Variants in BSN observed in about 807,000 individuals in gnomAD.
BSN encodes the protein protein bassoon.
BSN carries 57 observed loss-of-function variants against 264.8 expected under a neutral mutation model. The ratio of observed to expected loss-of-function variants is 0.22; its 90% CI spans 0.17 to 0.27. The LOEUF is 0.27. BSN is among the 10% of genes least tolerant of loss of function. The pLI is 1.00. For synonymous variants in BSN, 2,059 were observed against 2,137.3 expected (o/e 0.96, Z 1.01); for missense variants, 4,615 against 5,232.5 (o/e 0.88, Z 3.64).
intron 1 of BSN, among the ~76,000 whole-genome samples, chr3:49,617,231 A>C (rs915135381): frequency 6.6e-6 from 1 of 151,234 alleles, no homozygotes; most frequent in Non-Finnish European, 1.5e-5. Flanking sequence ...ACAAACCTGC[A>C]CGTTCTGCAC....
chr3:49,655,652 C>T lies in BSN; in HGVS notation c.6096C>T (p.Tyr2032=). Residue 2032 remains tyrosine, a synonymous_variant, in exon 5 of 12, where the codon TAC becomes TAT. Transcript: ENST00000296452. The part of the protein sequence containing the change: ...SYSLGFADGR[Y]LGQGLQYGSV... Reference sequence around the variant, plus strand: ...GCCTGGGCTTTGCGGATGGACGCTACCTAGGGCAGGGCTTGCAGTATGGCT... The same window carrying T: ...GCCTGGGCTTTGCGGATGGACGCTATCTAGGGCAGGGCTTGCAGTATGGCT... 6.2e-7 allele frequency: 1 copy of T among 1,613,684 alleles called. No homozygotes were observed. The highest frequency in any genetic ancestry group is 8.5e-7 in the Non-Finnish European group (1 of 1,179,994).
intron 1 of BSN, among the ~76,000 whole-genome samples, chr3:49,598,487 G>A (rs2052043124): frequency 6.6e-6 from 1 of 152,194 alleles, no homozygotes; most frequent in South Asian, 2.1e-4. Context: ...TTGTGCTTAA[G>A]CCTCTTTGAC....
chr3:49,595,164 C>T (rs575446259), intron 1 of BSN, among the ~76,000 whole-genome samples: 11 of 151,154 alleles, frequency 7.3e-5, no homozygotes, highest in African/African-American at 2.4e-4. Flanking sequence ...GCTGGGATTA[C>T]AGGCGTGAGC....
rs968912535 is a variant in BSN, at chr3:49,668,701, G to A, written c.*1216G>A. Reference sequence around the variant, plus strand: ...AGGGGCCAGGACTTCTGCCAGCCAAGGGAAAGGCCCAGAGCCCTGTGCGGG... The same window carrying A: ...AGGGGCCAGGACTTCTGCCAGCCAAAGGAAAGGCCCAGAGCCCTGTGCGGG... On this transcript the variant is annotated 3_prime_UTR_variant, in exon 12 of 12. Transcript: ENST00000296452. 9.8e-5 allele frequency: 15 copies of A among 152,690 alleles called. No individual in the cohort carries two copies. Among genetic ancestry groups the A allele is most frequent in the Non-Finnish European group, 1.3e-4 (9 of 68,078 alleles). The allele number at this position is 152,690 out of a possible 1,614,324, so 9.5% of individuals were successfully genotyped here. A position where few individuals can be genotyped will look rare whatever the true frequency, so the allele number is the denominator to read the frequency against.
rs755494496 is a variant in BSN at position 49,657,170 on chromosome 3, G to A, written c.7614G>A (p.Met2538Ile). ...HRGLPSSASDMSLQTEEQWEA... is the reference protein window; with the variant it reads ...HRGLPSSASDISLQTEEQWEA... The stretch of plus-strand genomic sequence containing the variant: ...GTCTCCCCAGCTCTGCCTCAGACAT[G>A]TCACTGCAAACGGAGGAGCAGTGGG... Residue 2538 changes from methionine (M) to isoleucine (I), a missense_variant, in exon 5 of 12, where the codon ATG (methionine) becomes ATA (isoleucine). Met to Ile is a conservative substitution (Grantham distance 10, BLOSUM62 1). Coordinates refer to ENST00000296452, the MANE Select transcript of BSN (RefSeq NM_003458.4). The A allele has an allele frequency of 1.2e-6, 2 of 1,613,258 alleles. No homozygotes were observed. The highest frequency in any genetic ancestry group is 1.7e-6 in the Non-Finnish European group (2 of 1,180,052).
In BSN at chr3:49,654,681, A is replaced by G. The variant is rs1196851587; in HGVS notation, c.5125A>G (p.Thr1709Ala). 6.2e-7 allele frequency: 1 copy of G among 1,613,534 alleles called. No homozygotes were observed. Among genetic ancestry groups the G allele is most frequent in the South Asian group, 1.1e-5 (1 of 91,068 alleles). Residue 1709 changes from threonine (T) to alanine (A), a missense_variant, in exon 5 of 12, where the codon ACC becomes GCC. By Grantham distance (58) the Thr-to-Ala change is moderately conservative. This residue lies in a region of BSN where 3,415 missense variants were observed against 3,866.4 expected (regional missense o/e 0.88). Coordinates refer to ENST00000296452, the MANE Select transcript of BSN (RefSeq NM_003458.4). The surrounding 1 kb of genome is among the most constrained non-coding windows in gnomAD (Gnocchi z 4.1). ...GGATCCAATCCCAGGACGGCAGTCGACCGCCGTGCAGCCCTTGGTTATCAA... is the reference window on the plus strand; with the variant it reads ...GGATCCAATCCCAGGACGGCAGTCGGCCGCCGTGCAGCCCTTGGTTATCAA... ...ALDPIPGRQS[T>A]AVQPLVINLN...
chr3:49,613,779 A>G (rs1296392865), intron 1 of BSN, among the ~76,000 whole-genome samples: 1 of 151,742 alleles, frequency 6.6e-6, no homozygotes, highest in Non-Finnish European at 1.5e-5. Context: ...AAGTGCTGGG[A>G]TTACAGGCAT....
chr3:49,606,129 TA>T (rs1339821087), intron 1 of BSN, among the ~76,000 whole-genome samples: 1 of 45,458 alleles, frequency 2.2e-5, no homozygotes, highest in Non-Finnish European at 3.7e-5. Flanking sequence ...GTATATATTA[TA>T]TATACATATA....
chr3:49,663,843 G>A lies in BSN; in HGVS notation c.11565G>A (p.Gly3855=), dbSNP rs2052687912. The A allele has an allele frequency of 4.3e-6, 7 of 1,614,120 alleles. No individual in the cohort carries two copies. Among genetic ancestry groups the A allele is most frequent in the Non-Finnish European group, 5.9e-6 (7 of 1,180,030 alleles). The part of the protein sequence containing the change: ...SKGTAKAPQQ[G]RAPQAQPAPG... ...GGACAGCCAAAGCACCGCAACAGGG[G>A]AGGGCTCCTCAGGCCCAGCCAGCAC... The change falls in exon 8 of 12, where the codon GGG becomes GGA. Residue 3855 remains glycine (G), a synonymous_variant. Coordinates refer to ENST00000296452, the MANE Select transcript of BSN (RefSeq NM_003458.4).
chr3:49,632,505 T>C (rs2052389932), intron 2 of BSN, among the ~76,000 whole-genome samples: 1 of 151,958 alleles, frequency 6.6e-6, no homozygotes. Flanking sequence ...AAAAACCCAA[T>C]TAAAAGTGGG....
intron 7 of BSN, 53 bp from the exon 8 acceptor site, chr3:49,663,734 T>A: frequency 6.2e-7 from 1 of 1,611,424 alleles, no homozygotes. Flanking sequence ...GGACATCCCC[T>A]TGGTTCCAGG....
intron 1 of BSN, among the ~76,000 whole-genome samples, chr3:49,609,123 C>G (rs1312907227): frequency 7.9e-6 from 1 of 126,382 alleles, no homozygotes; most frequent in Non-Finnish European, 1.6e-5. Flanking sequence ...GAGACAGGGT[C>G]TCACTCTGTC....
Position 49,643,163 on chromosome 3 carries a change from G to T in BSN, c.1518+11G>T. The T allele has an allele frequency of 1.9e-6, 3 of 1,600,144 alleles. No individual in the cohort carries two copies. In the South Asian group the frequency reaches 3.3e-5, roughly 18 times the overall value. On this transcript the variant is annotated intron_variant, in intron 3 of 11. Coordinates refer to ENST00000296452, the MANE Select transcript of BSN (RefSeq NM_003458.4). ...CCCCACCTGGTGGAGGTAAGAGCTG[G>T]ACCAAGCATGCTCCCTTGAACCTTG...
At chr3:49,606,242 T>TTAAAA (rs1326931401) in intron 1 of BSN, among the ~76,000 whole-genome samples, 50 of 60,904 alleles carry the variant, frequency 8.2e-4, no homozygotes, top group African/African-American at 1.0e-3. Context: ...ATTATATATG[T>TTAAAA]ATATATTATA....
At chr3:49,606,148 T>TATATAC (rs1559603447) in intron 1 of BSN, among the ~76,000 whole-genome samples, 24 of 60,236 alleles carry the variant, frequency 4.0e-4, no homozygotes, top group African/African-American at 1.6e-3. Context: ...ATATTATATA[T>TATATAC]GTATATATTA....
At chr3:49,649,477 G>T (rs1289969254) in intron 3 of BSN, among the ~76,000 whole-genome samples, 1 of 152,182 alleles carries the variant, frequency 6.6e-6, no homozygotes, top group Non-Finnish European at 1.5e-5. Context: ...TCCCATGTGG[G>T]CCAGAGAAGG....
rs746415320 is a variant in BSN at position 49,625,191 on chromosome 3, C to A, written c.441C>A (p.Asp147Glu). 1 of 1,559,676 alleles carries A rather than the reference C, an allele frequency of 6.4e-7. No individual in the cohort carries two copies. The highest frequency in any genetic ancestry group is 1.4e-5 in the African/African-American group (1 of 73,002). The change falls in exon 2 of 12, where the codon GAC becomes GAA. Residue 147 changes from aspartate to glutamate, a missense_variant. Transcript: ENST00000296452. This position sits in a 1 kb window ranked among gnomAD's most constrained non-coding sequence, Gnocchi z 4.4. Reference protein sequence around the residue: ...RSGRSPSVSPDRGSTPTSPYS... With the variant: ...RSGRSPSVSPERGSTPTSPYS... ...GGCGGTCCCCCTCAGTGTCACCGGA[C>A]AGAGGCAGCACCCCCACATCACCCT...
In BSN at chr3:49,573,157, G is replaced by A. The variant is rs965923462; in HGVS notation, c.224+18331G>A. On this transcript the variant is annotated intron_variant, in intron 1 of 11. Transcript: ENST00000296452. ...AAATCAAAATTCTATTGAAGGAGTA[G>A]GACCAGAAGCCATGAGAACTAATGC... is the stretch of plus-strand genomic sequence containing the variant. Among the ~76,000 whole-genome samples, 3 of 152,204 alleles carry A rather than the reference G, an allele frequency of 2.0e-5. No homozygotes were observed. In the East Asian group the frequency reaches 5.8e-4, roughly 29 times the overall value.
chr3:49,624,449 C>T (rs1247935841), intron 1 of BSN, among the ~76,000 whole-genome samples: 1 of 151,972 alleles, frequency 6.6e-6, no homozygotes, highest in Non-Finnish European at 1.5e-5. Flanking sequence ...CAGGTGTGCG[C>T]CACCAAGCTC....
Sources: gnomAD v4.1 joint callset for allele counts (sites outside exome capture counted in the v4.1 genomes callset) on GRCh38, gnomAD v4.1.1 for gene constraint, gnomAD v4.1.1 regional missense constraint, Gnocchi (gnomAD v3.1) non-coding constraint, MANE v1.5 for transcripts, NCBI Gene and HGNC (gene_info 2026-07-23, HGNC 2026-07-21) for gene names.